ABCD2: variants seen among roughly 807,000 people sequenced by gnomAD.
The protein encoded by ABCD2 is ATP binding cassette subfamily D member 2.
A neutral mutation model predicts 70.9 loss-of-function variants in ABCD2; 36 were observed. The ratio of observed to expected loss-of-function variants is 0.51; its 90% CI spans 0.39 to 0.67. The LOEUF is 0.67. Among genes scored for constraint, ABCD2 ranks in the 30% least tolerant of loss-of-function variants. ABCD2 has a pLI of 0.00. For synonymous variants in ABCD2, 304 were observed against 306.9 expected (o/e 0.99, Z 0.10); for missense variants, 729 against 890.2 (o/e 0.82, Z 2.30).
intron 9 of ABCD2, among the ~76,000 whole-genome samples, chr12:39,563,499 C>A: frequency 6.6e-6 from 1 of 152,034 alleles, no homozygotes. Flanking sequence ...ACTGAAAGTC[C>A]TACCCAGAGC....
rs1039717644 is a variant in ABCD2, at chr12:39,619,508, G to A, written c.108C>T (p.Leu36=). The part of the protein sequence containing the change: ...LVAAAYALKT[L]YPIIGKRLKQ... ...TTAAACGCTTGCCAATGATGGGATA[G>A]AGGGTTTTCAGAGCATATGCCGCAG... Residue 36 remains leucine, a synonymous_variant, in exon 1 of 10, where the codon CTC becomes CTT. Coordinates refer to ENST00000308666, the MANE Select transcript of ABCD2 (RefSeq NM_005164.4). 7 of 1,612,596 alleles carry A rather than the reference G, an allele frequency of 4.3e-6. No individual in the cohort carries two copies. Among genetic ancestry groups the A allele is most frequent in the East Asian group, 2.2e-5 (1 of 44,894 alleles).
At chr12:39,538,623 C>T in the ABCD2 span, among the ~76,000 whole-genome samples, 9 of 152,136 alleles carry the variant, frequency 5.9e-5, no homozygotes. Context: ...TCCATTAAAA[C>T]ATGAAGTTAG....
chr12:39,576,636 C>T lies in ABCD2; in HGVS notation c.1878-2795G>A, dbSNP rs1165756063. Among the ~76,000 whole-genome samples, 5 of 152,116 alleles carry T rather than the reference C, an allele frequency of 3.3e-5. No individual in the cohort carries two copies. In the East Asian group the frequency reaches 9.6e-4, roughly 29 times the overall value. On this transcript the variant is annotated intron_variant, in intron 8 of 9. Coordinates refer to ENST00000308666, the MANE Select transcript of ABCD2 (RefSeq NM_005164.4). ...TATGAACACAACTAATAATTTTTCT[C>T]ACTAAAAATCCCAGCTAAACACAAA...
intron 6 of ABCD2, 93 bp from the exon 7 acceptor site, chr12:39,586,390 C>T: frequency 8.1e-7 from 1 of 1,234,522 alleles, no homozygotes; most frequent in Non-Finnish European, 1.1e-6. Flanking sequence ...TCAGTGAAGA[C>T]TTTAAACACT....
chr12:39,573,139 G>A (rs987044122), intron 9 of ABCD2, among the ~76,000 whole-genome samples: 2 of 152,086 alleles, frequency 1.3e-5, no homozygotes, highest in Non-Finnish European at 2.9e-5. Flanking sequence ...CAACTATTAT[G>A]ATGATGATGA....
intron 2 of ABCD2, among the ~76,000 whole-genome samples, chr12:39,614,552 C>CT (rs149605197): frequency 0.11 from 15,917 of 147,410 alleles, 858 homozygotes; most frequent in Middle Eastern, 0.16. Context: ...ATTTTTCTAC[C>CT]TTTTTTTTTT....
chr12:39,576,815 CTTGAT>C (rs972652733), intron 8 of ABCD2, among the ~76,000 whole-genome samples: 46 of 152,094 alleles, frequency 3.0e-4, no homozygotes, highest in African/African-American at 1.1e-3. Flanking sequence ...GTTTTTTTAT[CTTGAT>C]TGGGGTATTG....
At chr12:39,587,924 A>G (rs1279162646) in intron 6 of ABCD2, among the ~76,000 whole-genome samples, 1 of 152,246 alleles carries the variant, frequency 6.6e-6, no homozygotes, top group Non-Finnish European at 1.5e-5. Context: ...AGTCAAAGAC[A>G]GAAAGAATCA....
At chr12:39,563,370 T>G (rs1941289815) in intron 9 of ABCD2, among the ~76,000 whole-genome samples, 1 of 151,988 alleles carries the variant, frequency 6.6e-6, no homozygotes, top group Admixed American at 6.6e-5. Context: ...CCAGCCTGGG[T>G]GACAGAGTGA....
rs775443203 is a variant in ABCD2, at chr12:39,552,138, C to T, written c.*1774G>A. ...AAGTAGGTGATAATACTAATGAAAACGTTGGACAAATGTACTGATTATAAT... is the reference window on the plus strand; with the variant it reads ...AAGTAGGTGATAATACTAATGAAAATGTTGGACAAATGTACTGATTATAAT... On this transcript the variant is annotated 3_prime_UTR_variant, in exon 10 of 10. Transcript: ENST00000308666. The T allele has an allele frequency of 8.6e-5, 13 of 151,926 alleles. No individual in the cohort carries two copies. The highest frequency in any genetic ancestry group is 6.6e-5 in the Admixed American group (1 of 15,240). The allele number at this position is 151,926 out of a possible 1,614,324, so 9.4% of individuals were successfully genotyped here. A position where few individuals can be genotyped will look rare whatever the true frequency, so the allele number is the denominator to read the frequency against.
chr12:39,584,235 T>C (rs1285045574), intron 7 of ABCD2, among the ~76,000 whole-genome samples: 1 of 152,200 alleles, frequency 6.6e-6, no homozygotes, highest in African/African-American at 2.4e-5. Context: ...TGGTACCTCA[T>C]TGTGGTTTTG....
At chr12:39,568,456 G>A (rs893153913) in intron 9 of ABCD2, among the ~76,000 whole-genome samples, 7 of 151,970 alleles carry the variant, frequency 4.6e-5, no homozygotes, top group Non-Finnish European at 8.8e-5. Context: ...GTTCATTCTC[G>A]TGCCATGGTT....
At chr12:39,615,414 G>A (rs562944368) in intron 2 of ABCD2, among the ~76,000 whole-genome samples, 6 of 151,802 alleles carry the variant, frequency 4.0e-5, no homozygotes, top group Non-Finnish European at 5.9e-5. Flanking sequence ...TGTCACTCTC[G>A]CTAATACTCT....
intron 6 of ABCD2, among the ~76,000 whole-genome samples, chr12:39,594,838 G>A (rs931296156): frequency 2.6e-5 from 4 of 152,038 alleles, no homozygotes; most frequent in Non-Finnish European, 4.4e-5. Context: ...TCTGGGTTTC[G>A]TGGTGGGCGC....
At chr12:39,567,260 G>A (rs567181819) in intron 9 of ABCD2, among the ~76,000 whole-genome samples, 178 of 152,298 alleles carry the variant, frequency 1.2e-3, no homozygotes, top group African/African-American at 3.9e-3. Context: ...TATTGTGCAG[G>A]AGTCTAAGTC....
intron 8 of ABCD2, among the ~76,000 whole-genome samples, chr12:39,578,473 C>CAAAAA (rs397850133): frequency 1.5e-5 from 1 of 67,082 alleles, no homozygotes; most frequent in Non-Finnish European, 3.2e-5. Context: ...GACTCCGTCT[C>CAAAAA]AAAAAAAAAA....
In ABCD2 at chr12:39,595,225, G is replaced by C. The variant is rs142178388; in HGVS notation, c.1646+5346C>G. On this transcript the variant is annotated intron_variant, in intron 6 of 9. Coordinates refer to ENST00000308666, the MANE Select transcript of ABCD2 (RefSeq NM_005164.4). ...GAGAAAATATTTAAGATCAAAAACA[G>C]TAGGATTTTTTTCATCTTAAGATGC... Among the ~76,000 whole-genome samples the C allele has an allele frequency of 3.7e-3, 563 of 152,222 alleles. 5 individuals are homozygous for C. The highest frequency in any genetic ancestry group is 0.012 in the African/African-American group (514 of 41,544).
In ABCD2 at chr12:39,619,435, C is replaced by G; in HGVS notation, c.181G>C (p.Glu61Gln). The G allele has an allele frequency of 1.2e-6, 2 of 1,614,110 alleles. No individual in the cohort carries two copies. Among genetic ancestry groups the G allele is most frequent in the Non-Finnish European group, 1.7e-6 (2 of 1,180,028 alleles). The change falls in exon 1 of 10, where the codon GAG becomes CAG. Residue 61 changes from glutamate (E) to glutamine (Q), a missense_variant. Transcript: ENST00000308666. Reference protein sequence around the residue: ...KKKAAAYPAAENTEILHCTET... With the variant: ...KKKAAAYPAAQNTEILHCTET... ...GTGCAATGCAGTATTTCTGTGTTCT[C>G]TGCAGCAGGGTAAGCTGCTGCTTTT...
chr12:39,561,118 A>C (rs1365249696), intron 9 of ABCD2, among the ~76,000 whole-genome samples: 1 of 152,080 alleles, frequency 6.6e-6, no homozygotes, highest in African/African-American at 2.4e-5. Context: ...TTTCTGGGCC[A>C]GGTGCAGTGG....
Sources: allele counts gnomAD v4.1 joint callset (sites outside exome capture counted in the v4.1 genomes callset), GRCh38; gene constraint gnomAD v4.1.1; transcripts MANE v1.5; gene names NCBI Gene and HGNC (gene_info 2026-07-23, HGNC 2026-07-21).